The following MAP3K5 variants were observed in gnomAD, a reference collection of about 807,000 sequenced individuals.
The protein encoded by MAP3K5 is mitogen-activated protein kinase kinase kinase 5, also known as ASK-1.
In MAP3K5, 56 loss-of-function variants were observed where a neutral mutation model predicts 158.7. The ratio of observed to expected loss-of-function variants is 0.35; its 90% confidence interval spans 0.28 to 0.44. The LOEUF is 0.44. Among genes scored for constraint, MAP3K5 ranks in the 20% least tolerant of loss-of-function variants. The probability of loss-of-function intolerance (pLI) is 1.00; values close to 1 mark genes in which losing one functional copy is unlikely to be tolerated. For synonymous variants in MAP3K5, 579 were observed against 601.7 expected (o/e 0.96, Z 0.55); for missense variants, 1,294 against 1,674.8 (o/e 0.77, Z 3.97).
intron 18 of MAP3K5, among the ~76,000 whole-genome samples, 154 bp downstream of exon 18, chr6:136,611,128 A>G (rs1488394053): frequency 1.3e-5 from 2 of 150,312 alleles, no homozygotes; most frequent in African/African-American, 4.9e-5. Flanking sequence ...AAAAAAAAAA[A>G]AAAAAAGAAA....
intron 1 of MAP3K5, among the ~76,000 whole-genome samples, chr6:136,767,431 G>A (rs962526362): frequency 4.0e-5 from 6 of 151,768 alleles, no homozygotes; most frequent in Non-Finnish European, 1.5e-5. Flanking sequence ...GGGCAGGGAG[G>A]GAAAACCACC....
At chr6:136,678,228 G>C (rs1471502558) in intron 7 of MAP3K5, among the ~76,000 whole-genome samples, 2 of 152,138 alleles carry the variant, frequency 1.3e-5, no homozygotes, top group East Asian at 3.9e-4. Context: ...TAAGGATAAA[G>C]CTTGTATTGC....
chr6:136,789,655 G>A (rs2115073294), intron 1 of MAP3K5, among the ~76,000 whole-genome samples: 1 of 148,056 alleles, frequency 6.8e-6, no homozygotes, highest in Non-Finnish European at 1.5e-5. Flanking sequence ...AATGGAGGAA[G>A]CAAGGGCCAA....
chr6:136,759,454 C>CTATATATATATATATA (rs570186848), intron 1 of MAP3K5, among the ~76,000 whole-genome samples: 4,240 of 97,576 alleles, frequency 0.043, 245 homozygotes, highest in Non-Finnish European at 0.052. Flanking sequence ...TATACTAAAA[C>CTATATATATATATATA]TATATATATA....
intron 12 of MAP3K5, among the ~76,000 whole-genome samples, chr6:136,640,017 G>C (rs1277370817): frequency 6.6e-6 from 1 of 152,196 alleles, no homozygotes; most frequent in African/African-American, 2.4e-5. Context: ...GCAATCTGTA[G>C]AACAATGAAA....
At chr6:136,749,154 C>G (rs1783083998) in intron 1 of MAP3K5, among the ~76,000 whole-genome samples, 1 of 152,126 alleles carries the variant, frequency 6.6e-6, no homozygotes, top group Non-Finnish European at 1.5e-5. Context: ...TGGCAGATCA[C>G]TTGAGGTCAG....
chr6:136,578,078 C>A (rs1774698183), intron 25 of MAP3K5, among the ~76,000 whole-genome samples: 1 of 152,144 alleles, frequency 6.6e-6, no homozygotes, highest in Non-Finnish European at 1.5e-5. Flanking sequence ...CCATACCTCT[C>A]CCTTTCAGTG....
In MAP3K5 at chr6:136,561,607, C is replaced by T. The variant is rs1010655812; in HGVS notation, c.3913G>A (p.Gly1305Ser). The change falls in exon 28 of 30, where the codon GGC becomes AGC. Residue 1305 changes from glycine (G) to serine (S), a missense_variant. By Grantham distance (56) the Gly-to-Ser change is moderately conservative (BLOSUM62 0). Around this residue, in one of 5 missense-constraint regions of MAP3K5, gnomAD observed 199 missense variants for 220.3 expected, o/e 0.90. Transcript: ENST00000359015. ...ELPVFHLNSSGTNTEDSELTD... is the reference protein window; with the variant it reads ...ELPVFHLNSSSTNTEDSELTD... Reference sequence around the variant, plus strand: ...AGTTCAGAATCTTCAGTATTTGTGCCAGAAGAATTTAGATGAAATACAGGC... The same window carrying T: ...AGTTCAGAATCTTCAGTATTTGTGCTAGAAGAATTTAGATGAAATACAGGC... The T allele has an allele frequency of 3.1e-6, 5 of 1,613,492 alleles. No individual in the cohort carries two copies. The highest frequency in any genetic ancestry group is 1.6e-4 in the Middle Eastern group (1 of 6,082).
intron 28 of MAP3K5, among the ~76,000 whole-genome samples, chr6:136,559,993 C>G (rs982528372): frequency 6.6e-6 from 1 of 151,154 alleles, no homozygotes; most frequent in Non-Finnish European, 1.5e-5. Context: ...TAAGGCGGCC[C>G]GAAATTCTAC....
rs374577247 is a variant in MAP3K5, at chr6:136,592,428, G to C, written c.3056+9C>G. 11 of 1,613,424 alleles carry C rather than the reference G, an allele frequency of 6.8e-6. No individual in the cohort carries two copies. The African/African-American group carries it at 1.5e-4, about 22-fold the overall frequency. On this transcript the variant is annotated intron_variant, in intron 22 of 29. Transcript: ENST00000359015. ...CACTTCTCTCACCCCAAGTAAGTCA[G>C]GTCTTTACCCCAAAAAGAGTGTCCG...
chr6:136,581,399 G>A (rs9376207), intron 24 of MAP3K5, among the ~76,000 whole-genome samples: 5,417 of 152,230 alleles, frequency 0.036, 273 homozygotes, highest in East Asian at 0.21. Context: ...AGCTCACTTA[G>A]ATTTTGGGTT....
At chr6:136,699,617 C>A (rs946458647) in intron 3 of MAP3K5, among the ~76,000 whole-genome samples, 1 of 152,064 alleles carries the variant, frequency 6.6e-6, no homozygotes. Flanking sequence ...GATGCCCAAG[C>A]GAGGATAAAC....
intron 1 of MAP3K5, among the ~76,000 whole-genome samples, chr6:136,753,882 C>T (rs144344004): frequency 1.1e-4 from 16 of 152,332 alleles, no homozygotes; most frequent in African/African-American, 3.1e-4. Context: ...AAAGGGAGAA[C>T]GCAGCCCTGC....
chr6:136,752,314 C>T (rs945885880), intron 1 of MAP3K5, among the ~76,000 whole-genome samples: 6 of 152,028 alleles, frequency 3.9e-5, no homozygotes, highest in South Asian at 2.1e-4. Flanking sequence ...GGGATGGTGC[C>T]GAGGAAACAA....
intron 1 of MAP3K5, among the ~76,000 whole-genome samples, chr6:136,785,671 C>T (rs1784813315): frequency 1.3e-5 from 2 of 152,172 alleles, no homozygotes; most frequent in Admixed American, 6.5e-5. Context: ...CACACAGCAT[C>T]CCGGTTCTCC....
At chr6:136,743,425 G>A (rs1023926078) in intron 1 of MAP3K5, among the ~76,000 whole-genome samples, 1 of 152,098 alleles carries the variant, frequency 6.6e-6, no homozygotes, top group Admixed American at 6.5e-5. Flanking sequence ...ACTCCAGCCT[G>A]GGTAACAGAG....
At position 136,695,021 on chromosome 6, in the gene MAP3K5, G is replaced by A. The variant is rs561178516; in HGVS notation, c.1083-711C>T. 6.6e-5 allele frequency among the ~76,000 whole-genome samples: 10 copies of A among 152,244 alleles called. No homozygotes were observed. In the South Asian group the frequency reaches 1.2e-3, roughly 19 times the overall value. Reference sequence around the variant, plus strand: ...ATCTGTAAAGACTGAAAGTAGATTCGTGGTTGCCTAGAGTTGGGGGATTTG... The same window carrying A: ...ATCTGTAAAGACTGAAAGTAGATTCATGGTTGCCTAGAGTTGGGGGATTTG... On this transcript the variant is annotated intron_variant, in intron 6 of 29. Coordinates refer to ENST00000359015, the MANE Select transcript of MAP3K5 (RefSeq NM_005923.4).
intron 1 of MAP3K5, among the ~76,000 whole-genome samples, chr6:136,728,167 G>T (rs1048519558): frequency 2.0e-5 from 3 of 152,126 alleles, no homozygotes; most frequent in East Asian, 3.8e-4. Flanking sequence ...AAGCTATTAA[G>T]CTTAATTGCA....
At chr6:136,740,907 T>A (rs898046425) in intron 1 of MAP3K5, among the ~76,000 whole-genome samples, 1 of 152,332 alleles carries the variant, frequency 6.6e-6, no homozygotes, top group Non-Finnish European at 1.5e-5. Context: ...GAGAGCTAGA[T>A]TTTTTACTTG....
Sources: gnomAD v4.1 joint callset for allele counts (sites outside exome capture counted in the v4.1 genomes callset) on GRCh38, gnomAD v4.1.1 for gene constraint, gnomAD v4.1.1 regional missense constraint, MANE v1.5 for transcripts, NCBI Gene and HGNC (gene_info 2026-07-23, HGNC 2026-07-21) for gene names.